SH3GL2: variants seen among roughly 807,000 people sequenced by gnomAD.
The protein encoded by SH3GL2 is SH3 domain containing GRB2 like 2, endophilin A1.
A neutral mutation model predicts 46.0 loss-of-function variants in SH3GL2; 24 were observed. That is an observed-to-expected ratio of 0.52 (90% CI 0.38 to 0.73). The LOEUF (loss-of-function observed/expected upper bound fraction) is 0.73, where lower values mean the gene tolerates loss of function less well. Among genes scored for constraint, SH3GL2 ranks in the 30% least tolerant of loss-of-function variants. The pLI, the probability that SH3GL2 is intolerant of heterozygous loss-of-function variation, is 0.00. For synonymous variants in SH3GL2, 196 were observed against 147.1 expected (o/e 1.33, Z -2.40); for missense variants, 413 against 424.2 (o/e 0.97, Z 0.23).
At chr9:17,663,595 C>G (rs1324052278) in intron 1 of SH3GL2, among the ~76,000 whole-genome samples, 1 of 152,162 alleles carries the variant, frequency 6.6e-6, no homozygotes, top group Non-Finnish European at 1.5e-5. Context: ...TTCTGTGACT[C>G]TAGTCCGTTT....
chr9:17,709,065 C>A (rs1280115624), intron 1 of SH3GL2, among the ~76,000 whole-genome samples: 1 of 151,990 alleles, frequency 6.6e-6, no homozygotes, highest in Non-Finnish European at 1.5e-5. Flanking sequence ...ATGATTCTTA[C>A]TCCTATCAAG....
chr9:17,661,944 G>C (rs1478493585), intron 1 of SH3GL2, among the ~76,000 whole-genome samples: 1 of 152,102 alleles, frequency 6.6e-6, no homozygotes, highest in African/African-American at 2.4e-5. Context: ...TGATTTTACT[G>C]CTGTCTTTTG....
chr9:17,680,589 T>A (rs1042186944), intron 1 of SH3GL2, among the ~76,000 whole-genome samples: 11 of 151,188 alleles, frequency 7.3e-5, no homozygotes, highest in African/African-American at 2.7e-4. Flanking sequence ...AGCTCCTGGA[T>A]TCATTGATTT....
intron 1 of SH3GL2, among the ~76,000 whole-genome samples, chr9:17,600,806 C>G (rs949826419): frequency 6.6e-6 from 1 of 152,122 alleles, no homozygotes; most frequent in Non-Finnish European, 1.5e-5. Flanking sequence ...TACTCATTGT[C>G]TGAGGTGAGA....
At chr9:17,712,404 T>C (rs960028205) in intron 1 of SH3GL2, among the ~76,000 whole-genome samples, 2 of 151,846 alleles carry the variant, frequency 1.3e-5, no homozygotes, top group Non-Finnish European at 2.9e-5. Context: ...TTTACAAAGA[T>C]TTTTTCCTAT....
chr9:17,607,500 C>A (rs1469757658), intron 1 of SH3GL2, among the ~76,000 whole-genome samples: 1 of 152,116 alleles, frequency 6.6e-6, no homozygotes, highest in Non-Finnish European at 1.5e-5. Flanking sequence ...TATGACATAG[C>A]TGAGTTTTTC....
intron 1 of SH3GL2, chr9:17,653,829 A>G (rs1161807877): frequency 3.1e-6 from 3 of 966,518 alleles, no homozygotes; most frequent in Non-Finnish European, 3.7e-6. Flanking sequence ...AAGAAGACAG[A>G]TACTGCCTTG....
intron 1 of SH3GL2, among the ~76,000 whole-genome samples, chr9:17,581,490 T>C (rs565235247): frequency 6.6e-6 from 1 of 152,344 alleles, no homozygotes; most frequent in East Asian, 1.9e-4. Flanking sequence ...GTTCTGTGCA[T>C]ATGTATATTT....
At position 17,657,473 on chromosome 9, in the gene SH3GL2, T is replaced by C. The variant is rs74434919; in HGVS notation, c.45+78186T>C. ...CACAAACAGAGGCAGGCTGATGAGG[T>C]TGACGGATTTTGGTGTTATTCTAAT... is the stretch of plus-strand genomic sequence containing the variant. On this transcript the variant is annotated intron_variant, in intron 1 of 8. Transcript: ENST00000380607. 1.2e-3 allele frequency among the ~76,000 whole-genome samples: 190 copies of C among 152,256 alleles called. 6 individuals are homozygous for C. In the East Asian group the frequency reaches 0.027, roughly 22 times the overall value.
rs145424849 is a variant in SH3GL2, at chr9:17,738,944, A to G, written c.46-8122A>G. ...ATTTTCACAAAACAGCTTCACAGCT[A>G]TTGCATTAGTTTGATTGAATAAGTG... On this transcript the variant is annotated intron_variant, in intron 1 of 8. Coordinates refer to ENST00000380607, the MANE Select transcript of SH3GL2 (RefSeq NM_003026.5). Among the ~76,000 whole-genome samples, 361 of 152,250 alleles carry G rather than the reference A, an allele frequency of 2.4e-3. 3 individuals are homozygous for G. Among genetic ancestry groups the G allele is most frequent in the African/African-American group, 8.3e-3 (344 of 41,562 alleles).
intron 1 of SH3GL2, among the ~76,000 whole-genome samples, chr9:17,651,232 G>C (rs1588206354): frequency 6.6e-6 from 1 of 151,890 alleles, no homozygotes; most frequent in South Asian, 2.1e-4. Context: ...GATTTACTTT[G>C]TTAAGCTTCC....
At chr9:17,756,675 A>C (rs1037021256) in intron 2 of SH3GL2, among the ~76,000 whole-genome samples, 1 of 152,026 alleles carries the variant, frequency 6.6e-6, no homozygotes, top group Non-Finnish European at 1.5e-5. Context: ...TTATGGCTGC[A>C]TAGTATTCCA....
At chr9:17,719,431 C>A (rs1821838526) in intron 1 of SH3GL2, among the ~76,000 whole-genome samples, 1 of 152,120 alleles carries the variant, frequency 6.6e-6, no homozygotes, top group African/African-American at 2.4e-5. Flanking sequence ...GGGACAGAAT[C>A]TTGTCTAGAG....
chr9:17,691,050 C>T (rs993091820), intron 1 of SH3GL2, among the ~76,000 whole-genome samples: 1 of 152,114 alleles, frequency 6.6e-6, no homozygotes, highest in African/African-American at 2.4e-5. Flanking sequence ...GAAACAGAGA[C>T]TTCTGAAACC....
At chr9:17,769,644 C>T (rs890097396) in intron 3 of SH3GL2, among the ~76,000 whole-genome samples, 3 of 152,106 alleles carry the variant, frequency 2.0e-5, no homozygotes, top group African/African-American at 7.2e-5. Flanking sequence ...CAGTCCTTTC[C>T]TGCCCCGACC....
intron 1 of SH3GL2, among the ~76,000 whole-genome samples, chr9:17,694,428 A>G (rs758647813): frequency 6.6e-6 from 1 of 152,156 alleles, no homozygotes; most frequent in Non-Finnish European, 1.5e-5. Context: ...TAACTGTTCT[A>G]TTGTAAAAGC....
At chr9:17,714,255 G>T (rs1361676728) in intron 1 of SH3GL2, among the ~76,000 whole-genome samples, 1 of 151,498 alleles carries the variant, frequency 6.6e-6, no homozygotes, top group Non-Finnish European at 1.5e-5. Context: ...TGTGTTTAAA[G>T]TGTTTGTAGG....
At chr9:17,713,667 A>G (rs1303543415) in intron 1 of SH3GL2, among the ~76,000 whole-genome samples, 3 of 151,580 alleles carry the variant, frequency 2.0e-5, no homozygotes, top group Non-Finnish European at 4.4e-5. Flanking sequence ...TGCATTATTA[A>G]CTTTATAAAT....
chr9:17,656,523 A>G (rs748946225), intron 1 of SH3GL2, among the ~76,000 whole-genome samples: 4 of 152,140 alleles, frequency 2.6e-5, no homozygotes, highest in Non-Finnish European at 4.4e-5. Flanking sequence ...TGCATTTACA[A>G]TATCACAAGT....
Sources: allele counts gnomAD v4.1 joint callset (sites outside exome capture counted in the v4.1 genomes callset), GRCh38; gene constraint gnomAD v4.1.1; transcripts MANE v1.5; gene names NCBI Gene and HGNC (gene_info 2026-07-23, HGNC 2026-07-21).